MTHFD1L: variants seen among roughly 807,000 people sequenced by gnomAD.
MTHFD1L encodes methylenetetrahydrofolate dehydrogenase (NADP+ dependent) 1 like.
In MTHFD1L, 81 loss-of-function variants were observed where a neutral mutation model predicts 119.5. The observed-to-expected ratio is 0.68, with a 90% confidence interval of 0.57 to 0.82. The LOEUF (loss-of-function observed/expected upper bound fraction) is 0.82, where lower values mean the gene tolerates loss of function less well. Ranked by LOEUF, MTHFD1L falls within the 40% of genes least tolerant of loss-of-function variation. The pLI, the probability that MTHFD1L is intolerant of heterozygous loss-of-function variation, is 0.00. For synonymous variants in MTHFD1L, 430 were observed against 475.2 expected, an observed-to-expected ratio of 0.90 and a Z score of 1.24; for missense variants, 1,125 against 1,253.4, an observed-to-expected ratio of 0.90 and a Z score of 1.55.
chr6:150,874,218 A>C (rs1038926004), intron 1 of MTHFD1L, among the ~76,000 whole-genome samples: 2 of 152,222 alleles, frequency 1.3e-5, no homozygotes, highest in African/African-American at 4.8e-5. Flanking sequence ...ATTCAGCACA[A>C]TAATACAATT....
intron 26 of MTHFD1L, among the ~76,000 whole-genome samples, chr6:151,068,841 G>A (rs1286128006): frequency 4.6e-5 from 7 of 152,112 alleles, no homozygotes; most frequent in Middle Eastern, 3.2e-3. Flanking sequence ...ACATTCATTG[G>A]AGGACTCATC....
At position 150,894,579 on chromosome 6, in the gene MTHFD1L, C is replaced by T. The variant is rs188315412; in HGVS notation, c.780+6598C>T. On this transcript the variant is annotated intron_variant, in intron 7 of 27. Transcript: ENST00000367321. The stretch of plus-strand genomic sequence containing the variant: ...ACTCCCTTCCTCCAAAGCTGTGGAC[C>T]TCTTCCTTCCCATGCCTCTTGTTAC... Among the ~76,000 whole-genome samples the T allele has an allele frequency of 6.2e-4, 94 of 152,314 alleles. 1 individual carries two copies. Among genetic ancestry groups the T allele is most frequent in the Non-Finnish European group, 1.0e-3 (71 of 68,026 alleles).
intron 20 of MTHFD1L, among the ~76,000 whole-genome samples, chr6:150,987,345 A>G (rs1241086989): frequency 6.6e-6 from 1 of 152,192 alleles, no homozygotes; most frequent in Non-Finnish European, 1.5e-5. Context: ...CTAACATACA[A>G]GGCAGTGTGA....
chr6:150,991,205 T>C (rs1473951116), intron 20 of MTHFD1L, among the ~76,000 whole-genome samples: 4 of 151,748 alleles, frequency 2.6e-5, no homozygotes, highest in Admixed American at 2.6e-4. Context: ...AAAATAAAGA[T>C]AGAGTGACTT....
intron 27 of MTHFD1L, chr6:151,099,992 C>T (rs1795230745): frequency 2.6e-6 from 2 of 772,780 alleles, no homozygotes; most frequent in African/African-American, 1.8e-5. Context: ...CTGGCATCTT[C>T]CTTTAAAAAA....
At chr6:150,946,729 A>C (rs1486519783) in intron 15 of MTHFD1L, among the ~76,000 whole-genome samples, 1 of 152,132 alleles carries the variant, frequency 6.6e-6, no homozygotes, top group East Asian at 1.9e-4. Flanking sequence ...CATCCTCGGC[A>C]GCTATAACAA....
chr6:150,913,570 T>C (rs927092917), intron 8 of MTHFD1L, among the ~76,000 whole-genome samples: 2 of 152,178 alleles, frequency 1.3e-5, no homozygotes, highest in African/African-American at 2.4e-5. Flanking sequence ...CCTCTGAAAG[T>C]GCTGGGATTA....
chr6:151,061,717 C>T (rs578237421), intron 26 of MTHFD1L, among the ~76,000 whole-genome samples: 1 of 152,304 alleles, frequency 6.6e-6, no homozygotes, highest in East Asian at 1.9e-4. Flanking sequence ...TCATTAGCCC[C>T]TCAAAGGGTC....
At chr6:150,910,394 T>C (rs1187895315) in intron 8 of MTHFD1L, among the ~76,000 whole-genome samples, 1 of 149,630 alleles carries the variant, frequency 6.7e-6, no homozygotes, top group African/African-American at 2.5e-5. Context: ...AGAAACCCCA[T>C]CTCTACTAAA....
At chr6:150,900,532 C>G (rs1449078014) in intron 7 of MTHFD1L, among the ~76,000 whole-genome samples, 1 of 152,192 alleles carries the variant, frequency 6.6e-6, no homozygotes. Context: ...TGCTCCCAGG[C>G]CATTCTCAGT....
At position 150,974,265 on chromosome 6, in the gene MTHFD1L, G is replaced by A. The variant is rs139895463; in HGVS notation, c.2125+2207G>A. 2.0e-5 allele frequency among the ~76,000 whole-genome samples: 3 copies of A among 152,314 alleles called. No individual in the cohort carries two copies. In the East Asian group the frequency reaches 5.8e-4, roughly 29 times the overall value. The stretch of plus-strand genomic sequence containing the variant: ...AATGAGGCATCAATGAGATCATGGG[G>A]TTGAGTCCTGGCACCTGACACATGG... On this transcript the variant is annotated intron_variant, in intron 20 of 27. Transcript: ENST00000367321.
At chr6:151,082,323 A>G (rs1793279210) in intron 26 of MTHFD1L, among the ~76,000 whole-genome samples, 1 of 152,116 alleles carries the variant, frequency 6.6e-6, no homozygotes, top group African/African-American at 2.4e-5. Context: ...TTAGAATCAC[A>G]CCTGTTTTGA....
At chr6:151,010,093 G>C in intron 21 of MTHFD1L, 135 bp downstream of exon 21, 1 of 1,091,558 alleles carries the variant, frequency 9.2e-7, no homozygotes, top group Non-Finnish European at 1.2e-6. Flanking sequence ...TTTTTTTCCT[G>C]TAGACCTCCC....
chr6:150,975,531 C>G (rs1562482208), intron 20 of MTHFD1L, among the ~76,000 whole-genome samples: 1 of 152,186 alleles, frequency 6.6e-6, no homozygotes, highest in Non-Finnish European at 1.5e-5. Context: ...TTCCTCTGGT[C>G]ACTTTCAATC....
chr6:150,876,046 T>G (rs1780384899), intron 1 of MTHFD1L, 44 bp from the exon 2 acceptor site: 1 of 1,434,748 alleles, frequency 7.0e-7, no homozygotes, highest in African/African-American at 1.4e-5. Context: ...TCCTTTCTAC[T>G]CATTAACCAA....
At chr6:150,976,995 C>A (rs959681314) in intron 20 of MTHFD1L, among the ~76,000 whole-genome samples, 1 of 152,144 alleles carries the variant, frequency 6.6e-6, no homozygotes, top group Non-Finnish European at 1.5e-5. Context: ...GACTTCAGTA[C>A]CCCTTTAATG....
At chr6:151,077,777 A>G (rs956591954) in intron 26 of MTHFD1L, among the ~76,000 whole-genome samples, 10 of 151,260 alleles carry the variant, frequency 6.6e-5, no homozygotes, top group African/African-American at 2.4e-4. Flanking sequence ...AAATTCAAGG[A>G]AAATGGCCAG....
chr6:151,023,212 A>C (rs1181527836), intron 24 of MTHFD1L, among the ~76,000 whole-genome samples: 1 of 151,858 alleles, frequency 6.6e-6, no homozygotes, highest in Non-Finnish European at 1.5e-5. Flanking sequence ...ATGCCCAGCA[A>C]ATTTTTGTAT....
intron 20 of MTHFD1L, among the ~76,000 whole-genome samples, chr6:150,973,975 C>T (rs541222171): frequency 1.5e-4 from 23 of 152,310 alleles, no homozygotes; most frequent in Middle Eastern, 3.4e-3. Flanking sequence ...AAAATATGAA[C>T]TATGTTCAGG....
Sources: allele counts gnomAD v4.1 joint callset (sites outside exome capture counted in the v4.1 genomes callset), GRCh38; gene constraint gnomAD v4.1.1; transcripts MANE v1.5; gene names NCBI Gene and HGNC (gene_info 2026-07-23, HGNC 2026-07-21).